Variants in TENM3 observed in about 807,000 individuals in gnomAD.
The protein encoded by TENM3 is teneurin transmembrane protein 3.
Under a neutral mutation model 255.1 loss-of-function variants are expected in TENM3, and 63 were observed. That is an observed-to-expected ratio of 0.25 (90% confidence interval 0.20 to 0.30). The LOEUF (loss-of-function observed/expected upper bound fraction) is 0.30, where lower values mean the gene tolerates loss of function less well. TENM3 is among the 10% of genes least tolerant of loss of function. The pLI, the probability that TENM3 is intolerant of heterozygous loss-of-function variation, is 1.00. For missense variants in TENM3, 2,929 were observed against 3,461.1 expected (o/e 0.85, Z 3.86); for synonymous variants, 1,306 against 1,322.3 (o/e 0.99, Z 0.27).
the TENM3 span, among the ~76,000 whole-genome samples, chr4:181,673,302 C>G: frequency 6.6e-6 from 1 of 152,152 alleles, no homozygotes; most frequent in East Asian, 1.9e-4. Flanking sequence ...TACCATGTCT[C>G]AGTCCATGGA....
At chr4:182,118,466 G>T in the TENM3 span, among the ~76,000 whole-genome samples, 4 of 151,808 alleles carry the variant, frequency 2.6e-5, no homozygotes, top group Non-Finnish European at 5.9e-5. Context: ...TTTTTTTAGA[G>T]ATGGGGGTCT....
chr4:182,077,021 C>T, the TENM3 span, among the ~76,000 whole-genome samples: 2 of 152,140 alleles, frequency 1.3e-5, no homozygotes, highest in African/African-American at 4.8e-5. Flanking sequence ...TGATTTCTTC[C>T]ATAACCTTTC....
At chr4:182,004,009 T>A in the TENM3 span, among the ~76,000 whole-genome samples, 3 of 152,166 alleles carry the variant, frequency 2.0e-5, no homozygotes, top group African/African-American at 7.2e-5. Flanking sequence ...CATTCATTTT[T>A]GTAAGTAAAG....
the TENM3 span, among the ~76,000 whole-genome samples, chr4:181,859,209 C>T: frequency 6.9e-6 from 1 of 145,050 alleles, no homozygotes; most frequent in Admixed American, 7.1e-5. Context: ...TGCCACTGCG[C>T]TCCACCCTGT....
chr4:182,343,781 T>C (rs1212169148), intron 2 of TENM3, among the ~76,000 whole-genome samples: 3 of 152,148 alleles, frequency 2.0e-5, no homozygotes, highest in Admixed American at 1.3e-4. Flanking sequence ...CAAGAAATAA[T>C]CGAATAGACT....
chr4:182,690,523 G>A (rs544932721), intron 12 of TENM3, among the ~76,000 whole-genome samples: 39 of 152,194 alleles, frequency 2.6e-4, no homozygotes, highest in African/African-American at 8.4e-4. Context: ...TCCACCACCC[G>A]ATACCCGATA....
chr4:182,095,320 A>T, the TENM3 span, among the ~76,000 whole-genome samples: 3 of 152,244 alleles, frequency 2.0e-5, no homozygotes, highest in African/African-American at 7.2e-5. Context: ...TGTGGTACAC[A>T]TTGGAATATT....
intron 3 of TENM3, among the ~76,000 whole-genome samples, chr4:182,501,711 G>A (rs967534531): frequency 1.3e-5 from 2 of 151,950 alleles, no homozygotes; most frequent in African/African-American, 2.4e-5. Flanking sequence ...TTGACATCTT[G>A]TAACATGAGG....
chr4:181,757,653 C>CCA, the TENM3 span, among the ~76,000 whole-genome samples: 2 of 152,116 alleles, frequency 1.3e-5, no homozygotes, highest in Non-Finnish European at 2.9e-5. Flanking sequence ...AAAAGGATTA[C>CCA]CACTCACATC....
the TENM3 span, among the ~76,000 whole-genome samples, chr4:181,777,874 G>A: frequency 6.6e-6 from 1 of 152,072 alleles, no homozygotes; most frequent in African/African-American, 2.4e-5. Flanking sequence ...TCAAAGATTA[G>A]TTGTAGCTGA....
the TENM3 span, among the ~76,000 whole-genome samples, chr4:181,848,984 C>T: frequency 2.0e-5 from 3 of 152,090 alleles, no homozygotes; most frequent in South Asian, 2.1e-4. Flanking sequence ...TATAGAACAA[C>T]CCACACATCC....
the TENM3 span, among the ~76,000 whole-genome samples, chr4:181,602,165 A>G: frequency 2.0e-5 from 3 of 152,214 alleles, no homozygotes; most frequent in African/African-American, 4.8e-5. Context: ...TTAAAATTGA[A>G]TTGCTGAGCA....
At chr4:181,776,172 A>ATGTTTC in the TENM3 span, among the ~76,000 whole-genome samples, 1 of 152,088 alleles carries the variant, frequency 6.6e-6, no homozygotes, top group African/African-American at 2.4e-5. Flanking sequence ...AGAACAGGCA[A>ATGTTTC]TGTTTCTGTT....
At chr4:182,060,311 T>C in the TENM3 span, among the ~76,000 whole-genome samples, 1 of 152,178 alleles carries the variant, frequency 6.6e-6, no homozygotes, top group Non-Finnish European at 1.5e-5. Flanking sequence ...ACCAATTTCA[T>C]GGAAGACCAT....
the TENM3 span, among the ~76,000 whole-genome samples, chr4:181,565,022 C>G: frequency 0.13 from 19,493 of 152,180 alleles, 1,625 homozygotes; most frequent in Non-Finnish European, 0.18. Context: ...CAGATATTAC[C>G]GCAATTGTAT....
the TENM3 span, among the ~76,000 whole-genome samples, chr4:181,927,741 AG>A: frequency 1.3e-5 from 2 of 152,238 alleles, no homozygotes; most frequent in African/African-American, 4.8e-5. Flanking sequence ...GACACCTCCC[AG>A]CACGGGTCGA....
At chr4:182,536,315 CTTT>C (rs1275680050) in intron 3 of TENM3, among the ~76,000 whole-genome samples, 4 of 152,204 alleles carry the variant, frequency 2.6e-5, no homozygotes, top group African/African-American at 9.7e-5. Context: ...CCTCTCAAGT[CTTT>C]CTTCTATCAG....
At chr4:182,235,155 C>T (rs1249185230) in intron 1 of TENM3, among the ~76,000 whole-genome samples, 1 of 152,164 alleles carries the variant, frequency 6.6e-6, no homozygotes, top group Non-Finnish European at 1.5e-5. Context: ...CTGAGTATTC[C>T]TGTGGGCAGG....
At chr4:181,755,833 ATAC>A in the TENM3 span, among the ~76,000 whole-genome samples, 1 of 152,132 alleles carries the variant, frequency 6.6e-6, no homozygotes, top group Non-Finnish European at 1.5e-5. Context: ...GATGAATTCA[ATAC>A]TAGTAGTGTT....
Sources: gnomAD v4.1 joint callset for allele counts (sites outside exome capture counted in the v4.1 genomes callset) on GRCh38, gnomAD v4.1.1 for gene constraint, MANE v1.5 for transcripts, NCBI Gene and HGNC (gene_info 2026-07-23, HGNC 2026-07-21) for gene names.